SEL1L2: variants seen among roughly 807,000 people sequenced by gnomAD.
SEL1L2 encodes protein sel-1 homolog 2.
A neutral mutation model predicts 98.8 loss-of-function variants in SEL1L2; 89 were observed. That is an observed-to-expected ratio of 0.90 (90% CI 0.76 to 1.07). The LOEUF (loss-of-function observed/expected upper bound fraction) is 1.07, where lower values mean the gene tolerates loss of function less well. Ranked by LOEUF, SEL1L2 falls within the 50% of genes least tolerant of loss-of-function variation. The pLI, the probability that SEL1L2 is intolerant of heterozygous loss-of-function variation, is 0.00. For synonymous variants in SEL1L2, 262 were observed against 278.5 expected (o/e 0.94, Z 0.59); for missense variants, 788 against 812.0 (o/e 0.97, Z 0.36).
intron 1 of SEL1L2, among the ~76,000 whole-genome samples, chr20:13,964,736 C>T (rs965968105): frequency 1.3e-5 from 2 of 151,796 alleles, no homozygotes; most frequent in African/African-American, 2.4e-5. Flanking sequence ...GCCATCTCTG[C>T]TTCTTAATAG....
chr20:13,909,945 TG>T (rs2048143645), intron 5 of SEL1L2, among the ~76,000 whole-genome samples: 1 of 152,144 alleles, frequency 6.6e-6, no homozygotes, highest in South Asian at 2.1e-4. Context: ...CACTCCAGCC[TG>T]GGCAACAGAA....
intron 1 of SEL1L2, among the ~76,000 whole-genome samples, chr20:13,984,019 C>CTTTTTT (rs11475402): frequency 7.6e-6 from 1 of 132,262 alleles, no homozygotes; most frequent in African/African-American, 2.7e-5. Flanking sequence ...AATCAGATTC[C>CTTTTTT]TTTTTTTTTT....
Position 13,850,042 on chromosome 20 carries a change from C to T in SEL1L2, c.1947+149G>A, listed in dbSNP as rs116997715. On this transcript the variant is annotated intron_variant, in intron 19 of 19. Transcript: ENST00000284951. ...ATACTCAATAGAACATGCAGAATTACTCTGCATGGCAAGTGTAAGACTCTG... is the reference window on the plus strand; with the variant it reads ...ATACTCAATAGAACATGCAGAATTATTCTGCATGGCAAGTGTAAGACTCTG... 1,031 of 775,170 alleles carry T rather than the reference C, an allele frequency of 1.3e-3. 1 individual carries two copies. Among genetic ancestry groups the T allele is most frequent in the Non-Finnish European group, 1.9e-3 (906 of 486,630 alleles). 48.0% of individuals were successfully genotyped at this position (775,170 alleles called of 1,614,324 possible). A position where few individuals can be genotyped will look rare whatever the true frequency, so the allele number is the denominator to read the frequency against.
chr20:13,874,076 G>T (rs977762345), intron 12 of SEL1L2, among the ~76,000 whole-genome samples: 1 of 152,174 alleles, frequency 6.6e-6, no homozygotes, highest in African/African-American at 2.4e-5. Flanking sequence ...GAATAAGAGA[G>T]TCTGGGAAGG....
intron 10 of SEL1L2, among the ~76,000 whole-genome samples, chr20:13,879,978 C>T (rs6105175): frequency 0.038 from 5,726 of 152,216 alleles, 152 homozygotes; most frequent in Middle Eastern, 0.065. Context: ...TCATCCTGTC[C>T]GTATTGTGGC....
intron 2 of SEL1L2, among the ~76,000 whole-genome samples, chr20:13,951,133 C>T (rs1000973575): frequency 1.5e-4 from 22 of 151,020 alleles, no homozygotes; most frequent in African/African-American, 4.1e-4. Flanking sequence ...AAAAATTAGC[C>T]GGGTGTGGTG....
At chr20:13,858,287 C>G (rs921968895) in intron 18 of SEL1L2, among the ~76,000 whole-genome samples, 1 of 152,120 alleles carries the variant, frequency 6.6e-6, no homozygotes, top group South Asian at 2.1e-4. Flanking sequence ...ATAATTCCCA[C>G]GTTATTTGGC....
At chr20:13,855,079 G>C (rs1023228230) in intron 18 of SEL1L2, among the ~76,000 whole-genome samples, 1 of 151,814 alleles carries the variant, frequency 6.6e-6, no homozygotes. Flanking sequence ...AAAAAATCTG[G>C]GGTTCCTTGA....
intron 1 of SEL1L2, among the ~76,000 whole-genome samples, chr20:13,970,438 G>A (rs1447619417): frequency 6.6e-6 from 1 of 152,222 alleles, no homozygotes; most frequent in Non-Finnish European, 1.5e-5. Context: ...TTGCTCATTT[G>A]AGAGGTAGTA....
intron 2 of SEL1L2, among the ~76,000 whole-genome samples, chr20:13,935,613 T>C (rs2049410965): frequency 6.6e-6 from 1 of 151,904 alleles, no homozygotes; most frequent in Non-Finnish European, 1.5e-5. Flanking sequence ...ACAGGGTAAC[T>C]GGAGCAGAGT....
chr20:13,873,476 C>T (rs546222635), intron 12 of SEL1L2, among the ~76,000 whole-genome samples: 4 of 152,234 alleles, frequency 2.6e-5, no homozygotes, highest in African/African-American at 9.6e-5. Flanking sequence ...ATTCTCCTGC[C>T]TCAGCCTCCT....
chr20:13,859,323 T>C lies in SEL1L2; in HGVS notation c.1757A>G (p.His586Arg), dbSNP rs1989705800. ...THYSIAANKYHNAQAMFNLAY... is the reference protein window; with the variant it reads ...THYSIAANKYRNAQAMFNLAY... Reference sequence around the variant, plus strand: ...CAGATTGAACATGGCTTGCGCGTTGTGGTATTTGTTGGCTGCAATGCTGTA... The same window carrying C: ...CAGATTGAACATGGCTTGCGCGTTGCGGTATTTGTTGGCTGCAATGCTGTA... Residue 586 changes from histidine (H) to arginine (R), a missense_variant, in exon 18 of 20, where the codon CAC (histidine) becomes CGC (arginine). His to Arg is a conservative substitution (Grantham distance 29). Transcript: ENST00000284951. The C allele has an allele frequency of 6.2e-7, 1 of 1,614,086 alleles. No individual in the cohort carries two copies. The highest frequency in any genetic ancestry group is 1.7e-5 in the Admixed American group (1 of 60,012).
chr20:13,917,134 G>A (rs2048439648), intron 4 of SEL1L2, among the ~76,000 whole-genome samples: 1 of 152,072 alleles, frequency 6.6e-6, no homozygotes, highest in Non-Finnish European at 1.5e-5. Context: ...ATAGTTAGGG[G>A]TCATCTGAAA....
intron 18 of SEL1L2, 108 bp from the exon 19 acceptor site, chr20:13,850,427 G>T (rs1225664928): frequency 1.6e-6 from 2 of 1,234,296 alleles, no homozygotes; most frequent in Non-Finnish European, 2.3e-6. Context: ...TTAAGATAGG[G>T]AGATTATCAT....
chr20:13,859,182 A>G lies in SEL1L2; in HGVS notation c.1818+80T>C, dbSNP rs76869356. 1,865 of 1,355,976 alleles carry G rather than the reference A, an allele frequency of 1.4e-3. 17 individuals are homozygous for G. The African/African-American group carries it at 0.022, about 16-fold the overall frequency. The allele number at this position is 1,355,976 out of a possible 1,614,324, so 84.0% of individuals were successfully genotyped here. ...TCCTTCCTCTACATTGATGACATCA[A>G]TGAAATTCAAAACATTTACACATTC... On this transcript the variant is annotated intron_variant, in intron 18 of 19. Coordinates refer to ENST00000284951, the MANE Select transcript of SEL1L2 (RefSeq NM_025229.2).
At chr20:13,850,121 G>T in intron 19 of SEL1L2, 70 bp downstream of exon 19, 2 of 1,580,022 alleles carry the variant, frequency 1.3e-6, no homozygotes, top group Non-Finnish European at 1.7e-6. Flanking sequence ...GATGGGCCTT[G>T]TCACTTTGTC....
intron 5 of SEL1L2, among the ~76,000 whole-genome samples, chr20:13,899,729 C>T (rs1240947669): frequency 1.3e-5 from 2 of 152,098 alleles, no homozygotes; most frequent in African/African-American, 4.8e-5. Context: ...TTGGAGAGGA[C>T]ACAAACACTC....
At chr20:13,974,250 T>C (rs544466819) in intron 1 of SEL1L2, among the ~76,000 whole-genome samples, 1 of 152,290 alleles carries the variant, frequency 6.6e-6, no homozygotes, top group Non-Finnish European at 1.5e-5. Context: ...TGTCTGGTAC[T>C]TCACTGTCTT....
chr20:13,957,976 T>A (rs2050616987), intron 1 of SEL1L2, among the ~76,000 whole-genome samples: 1 of 152,184 alleles, frequency 6.6e-6, no homozygotes, highest in Non-Finnish European at 1.5e-5. Flanking sequence ...TTATATACAT[T>A]AGGATTGTTC....
Sources: allele counts gnomAD v4.1 joint callset (sites outside exome capture counted in the v4.1 genomes callset), GRCh38; gene constraint gnomAD v4.1.1; transcripts MANE v1.5; gene names NCBI Gene and HGNC (gene_info 2026-07-23, HGNC 2026-07-21).